JMY: variants seen among roughly 807,000 people sequenced by gnomAD.
The protein encoded by JMY is junction-mediating and -regulatory protein.
In JMY, 46 loss-of-function variants were observed where a neutral mutation model predicts 103.3. The ratio of observed to expected loss-of-function variants is 0.45; its 90% CI spans 0.35 to 0.57. The LOEUF (loss-of-function observed/expected upper bound fraction) is 0.57, where lower values mean the gene tolerates loss of function less well. Ranked by LOEUF, JMY falls within the 20% of genes least tolerant of loss-of-function variation. JMY has a pLI of 0.00. For synonymous variants in JMY, 526 were observed against 489.3 expected (o/e 1.07, Z -0.99); for missense variants, 1,238 against 1,255.2 (o/e 0.99, Z 0.21).
At chr5:79,280,101 C>T (rs182980797) in intron 2 of JMY, among the ~76,000 whole-genome samples, 1 of 152,166 alleles carries the variant, frequency 6.6e-6, no homozygotes, top group African/African-American at 2.4e-5. Flanking sequence ...ACCTTGATTG[C>T]CCAAAGTGCT....
At chr5:79,319,411 C>T (rs188173620) in intron 10 of JMY, among the ~76,000 whole-genome samples, 1 of 152,248 alleles carries the variant, frequency 6.6e-6, no homozygotes, top group Non-Finnish European at 1.5e-5. Context: ...CAGAAGCAAA[C>T]CATAGACTAG....
chr5:79,324,599 G>T lies in JMY; in HGVS notation c.*2997G>T, dbSNP rs990762667. ...AACCAATGTAGCATGTGTAGGAAAGGTATTTTTAATTATTTAAAATCATTG... is the reference window on the plus strand; with the variant it reads ...AACCAATGTAGCATGTGTAGGAAAGTTATTTTTAATTATTTAAAATCATTG... On this transcript the variant is annotated 3_prime_UTR_variant, in exon 11 of 11. Transcript: ENST00000396137. 6.6e-6 allele frequency: 1 copy of T among 152,174 alleles called. No individual in the cohort carries two copies. The highest frequency in any genetic ancestry group is 2.4e-5 in the African/African-American group (1 of 41,446). 9.4% of individuals were successfully genotyped at this position (152,174 alleles called of 1,614,324 possible). A position where few individuals can be genotyped will look rare whatever the true frequency, so the allele number is the denominator to read the frequency against.
At position 79,314,535 on chromosome 5, in the gene JMY, T is replaced by C. The variant is rs1747146080; in HGVS notation, c.2343T>C (p.Pro781=). The change falls in exon 9 of 11, where the codon CCT becomes CCC. Residue 781 remains proline, a synonymous_variant. Transcript: ENST00000396137. ...LPLSGVTSEL[P]PTISLPLLNN... Reference sequence around the variant, plus strand: ...TCAGTGGTGTTACCTCTGAACTGCCTCCCACTATATCTCTTCCACTTTTGA... The same window carrying C: ...TCAGTGGTGTTACCTCTGAACTGCCCCCCACTATATCTCTTCCACTTTTGA... 2 of 1,613,924 alleles carry C rather than the reference T, an allele frequency of 1.2e-6. No homozygotes were observed. The highest frequency in any genetic ancestry group is 2.7e-5 in the African/African-American group (2 of 74,882).
Position 79,290,011 on chromosome 5 carries a change from T to C in JMY, c.1207-110T>C, listed in dbSNP as rs1746375946. 8.3e-6 allele frequency: 6 copies of C among 726,378 alleles called. No homozygotes were observed. The South Asian group carries it at 1.7e-4, about 20-fold the overall frequency. 45.0% of individuals were successfully genotyped at this position (726,378 alleles called of 1,614,324 possible). ...TGTTTTGTAAACTAATAGCTTATCC[T>C]CTTGAGCAGGGAAGAACAAGTATTC... is the stretch of plus-strand genomic sequence containing the variant. On this transcript the variant is annotated intron_variant, in intron 2 of 10. Coordinates refer to ENST00000396137, the MANE Select transcript of JMY (RefSeq NM_152405.5).
chr5:79,252,886 T>C (rs1745131227), intron 1 of JMY, among the ~76,000 whole-genome samples: 1 of 152,212 alleles, frequency 6.6e-6, no homozygotes, highest in Non-Finnish European at 1.5e-5. Context: ...AGTCCATCTG[T>C]GTCTAACAAT....
intron 7 of JMY, 80 bp downstream of exon 7, chr5:79,306,541 T>A: frequency 1.0e-6 from 1 of 973,118 alleles, no homozygotes; most frequent in African/African-American, 1.6e-5. Flanking sequence ...TAGAGAATGA[T>A]AAAAAAACTT....
intron 2 of JMY, among the ~76,000 whole-genome samples, chr5:79,286,076 T>C (rs1269769251): frequency 6.6e-6 from 1 of 152,202 alleles, no homozygotes; most frequent in African/African-American, 2.4e-5. Flanking sequence ...ATCTTCAAAT[T>C]TGCCAAGTTA....
At chr5:79,252,354 T>TA (rs1745113914) in intron 1 of JMY, among the ~76,000 whole-genome samples, 1 of 151,178 alleles carries the variant, frequency 6.6e-6, no homozygotes, top group Non-Finnish European at 1.5e-5. Flanking sequence ...TTTTTTTTTT[T>TA]AATGTTTTAA....
At position 79,236,832 on chromosome 5, in the gene JMY, A is replaced by T; in HGVS notation, c.182A>T (p.Gln61Leu). 1 of 1,463,640 alleles carries T rather than the reference A, an allele frequency of 6.8e-7. No individual in the cohort carries two copies. Among genetic ancestry groups the T allele is most frequent in the Non-Finnish European group, 9.1e-7 (1 of 1,102,724 alleles). 90.7% of individuals were successfully genotyped at this position (1,463,640 alleles called of 1,614,324 possible). A position where few individuals can be genotyped will look rare whatever the true frequency, so the allele number is the denominator to read the frequency against. ...AQRQRSGSREQAGARGGAEAG... is the reference protein window; with the variant it reads ...AQRQRSGSRELAGARGGAEAG... Reference sequence around the variant, plus strand: ...AGGCAGAGGAGCGGCTCCCGGGAGCAAGCGGGGGCGCGAGGGGGCGCCGAG... The same window carrying T: ...AGGCAGAGGAGCGGCTCCCGGGAGCTAGCGGGGGCGCGAGGGGGCGCCGAG... Residue 61 changes from glutamine (Q) to leucine (L), a missense_variant, in exon 1 of 11, where the codon CAA (glutamine) becomes CTA (leucine). Gln to Leu is a moderately radical substitution (Grantham distance 113). Transcript: ENST00000396137.
At chr5:79,312,106 C>T (rs147996972) in intron 7 of JMY, among the ~76,000 whole-genome samples, 6 of 152,188 alleles carry the variant, frequency 3.9e-5, no homozygotes, top group East Asian at 3.9e-4. Context: ...TGTGAGCCAC[C>T]GTGTCTGGCT....
chr5:79,264,629 T>G (rs936778540), intron 1 of JMY, among the ~76,000 whole-genome samples: 1 of 152,210 alleles, frequency 6.6e-6, no homozygotes, highest in African/African-American at 2.4e-5. Flanking sequence ...TAAGGCCAAC[T>G]TTGTTGAATG....
At chr5:79,301,584 TCAGA>T (rs773426237) in intron 6 of JMY, among the ~76,000 whole-genome samples, 18 of 152,156 alleles carry the variant, frequency 1.2e-4, no homozygotes, top group Non-Finnish European at 2.2e-4. Context: ...TTAAAGAAAC[TCAGA>T]CAGGCATGTA....
At chr5:79,305,956 G>A (rs181685235) in intron 6 of JMY, among the ~76,000 whole-genome samples, 13 of 152,280 alleles carry the variant, frequency 8.5e-5, no homozygotes, top group African/African-American at 3.1e-4. Flanking sequence ...TAACTCAGGA[G>A]GCTGAGCCAG....
At chr5:79,277,036 C>T (rs1308259949) in intron 1 of JMY, among the ~76,000 whole-genome samples, 2 of 152,178 alleles carry the variant, frequency 1.3e-5, no homozygotes, top group African/African-American at 2.4e-5. Context: ...TGCACCTGGC[C>T]TCATTCTTTT....
At chr5:79,251,838 G>GAT (rs1216809966) in intron 1 of JMY, among the ~76,000 whole-genome samples, 1 of 152,032 alleles carries the variant, frequency 6.6e-6, no homozygotes, top group Non-Finnish European at 1.5e-5. Context: ...GCAATGGCAA[G>GAT]ATATCAGCTC....
At chr5:79,307,553 T>C (rs1289000916) in intron 7 of JMY, among the ~76,000 whole-genome samples, 2 of 152,132 alleles carry the variant, frequency 1.3e-5, no homozygotes, top group Non-Finnish European at 2.9e-5. Context: ...GCTCAAGCAG[T>C]CCTCCTGCTT....
At chr5:79,276,854 C>T (rs879945514) in intron 1 of JMY, among the ~76,000 whole-genome samples, 3 of 152,048 alleles carry the variant, frequency 2.0e-5, no homozygotes, top group Non-Finnish European at 2.9e-5. Flanking sequence ...ATCCACCCCC[C>T]ACGGCCTCCC....
At chr5:79,287,585 C>T (rs1178690562) in intron 2 of JMY, among the ~76,000 whole-genome samples, 1 of 152,204 alleles carries the variant, frequency 6.6e-6, no homozygotes, top group Non-Finnish European at 1.5e-5. Flanking sequence ...TTTGAGGCTG[C>T]AGTGCGCTAA....
intron 8 of JMY, among the ~76,000 whole-genome samples, chr5:79,313,910 G>T (rs975239021): frequency 7.2e-5 from 11 of 152,212 alleles, no homozygotes; most frequent in Admixed American, 7.2e-4. Context: ...TCAGGCTGGA[G>T]TGCGGTGGCA....
Sources: allele counts gnomAD v4.1 joint callset (sites outside exome capture counted in the v4.1 genomes callset), GRCh38; gene constraint gnomAD v4.1.1; transcripts MANE v1.5; gene names NCBI Gene and HGNC (gene_info 2026-07-23, HGNC 2026-07-21).